PTBP3: variants seen among roughly 807,000 people sequenced by gnomAD.
PTBP3 encodes polypyrimidine tract-binding protein 3.
PTBP3 carries 20 observed loss-of-function variants against 58.7 expected under a neutral mutation model. The observed-to-expected ratio is 0.34, with a 90% CI of 0.24 to 0.50. The LOEUF (loss-of-function observed/expected upper bound fraction) is 0.50, where lower values mean the gene tolerates loss of function less well. Among genes scored for constraint, PTBP3 ranks in the 20% least tolerant of loss-of-function variants. The pLI is 0.98. For synonymous variants in PTBP3, 185 were observed against 219.8 expected (o/e 0.84, Z 1.40); for missense variants, 509 against 637.2 (o/e 0.80, Z 2.17).
At chr9:112,299,337 G>A (rs1274911812) in intron 1 of PTBP3, among the ~76,000 whole-genome samples, 1 of 151,922 alleles carries the variant, frequency 6.6e-6, no homozygotes, top group Non-Finnish European at 1.5e-5. Flanking sequence ...ATAACAAAAA[G>A]CACAAGTATA....
chr9:112,300,037 G>A (rs1376409913), intron 1 of PTBP3, among the ~76,000 whole-genome samples: 1 of 152,120 alleles, frequency 6.6e-6, no homozygotes, highest in African/African-American at 2.4e-5. Context: ...GGTCATCAGG[G>A]AAATGCAAGT....
the PTBP3 span, among the ~76,000 whole-genome samples, chr9:112,367,377 A>G: frequency 2.0e-5 from 3 of 152,222 alleles, no homozygotes; most frequent in South Asian, 6.2e-4. Flanking sequence ...TCCCTTTAGC[A>G]TTTCTTGTAA....
the PTBP3 span, among the ~76,000 whole-genome samples, chr9:112,368,289 G>T: frequency 6.6e-6 from 1 of 152,178 alleles, no homozygotes; most frequent in Non-Finnish European, 1.5e-5. Context: ...TTGTGCCTCG[G>T]CCTCCTGAGT....
chr9:112,361,620 A>C, the PTBP3 span, among the ~76,000 whole-genome samples: 1 of 152,212 alleles, frequency 6.6e-6, no homozygotes, highest in Non-Finnish European at 1.5e-5. Flanking sequence ...CAAGTCAATT[A>C]TTATATCACA....
chr9:112,294,379 G>A (rs113089233), intron 2 of PTBP3, among the ~76,000 whole-genome samples: 6,913 of 152,148 alleles, frequency 0.045, 345 homozygotes, highest in African/African-American at 0.13. Flanking sequence ...TTAGCTGGGT[G>A]TGGTGGCACA....
chr9:112,331,613 T>TA (rs1217897138), intron 1 of PTBP3, among the ~76,000 whole-genome samples: 2 of 152,186 alleles, frequency 1.3e-5, no homozygotes, highest in Non-Finnish European at 2.9e-5. Context: ...GCTTGCTGCA[T>TA]AAAAAATAAA....
At chr9:112,368,998 T>C in the PTBP3 span, among the ~76,000 whole-genome samples, 2 of 152,226 alleles carry the variant, frequency 1.3e-5, no homozygotes, top group Non-Finnish European at 2.9e-5. Flanking sequence ...CAAGCCTTGA[T>C]GGCTTACACG....
At chr9:112,256,842 T>C (rs1052787499) in intron 5 of PTBP3, among the ~76,000 whole-genome samples, 19 of 121,748 alleles carry the variant, frequency 1.6e-4, no homozygotes, top group East Asian at 4.6e-4. Flanking sequence ...TAATTTTTTT[T>C]CCCTTTTTTT....
the PTBP3 span, among the ~76,000 whole-genome samples, chr9:112,356,021 T>C: frequency 6.7e-6 from 1 of 150,156 alleles, no homozygotes; most frequent in Non-Finnish European, 1.5e-5. Flanking sequence ...CCTTCTTTCC[T>C]TCTTCTTTTC....
At position 112,223,166 on chromosome 9, in the gene PTBP3, G is replaced by A. The variant is rs1834860562; in HGVS notation, c.*685C>T. 1.1e-6 allele frequency: 1 copy of A among 907,006 alleles called. No homozygotes were observed. Among genetic ancestry groups the A allele is most frequent in the African/African-American group, 1.8e-5 (1 of 55,398 alleles). 56.2% of individuals were successfully genotyped at this position (907,006 alleles called of 1,614,324 possible). ...TAGTTGAATTCCACTTAATTTCCCT[G>A]GGGACAGCTGAGACACTGCATTTTT... is the stretch of plus-strand genomic sequence containing the variant. On this transcript the variant is annotated 3_prime_UTR_variant, in exon 14 of 14. Coordinates refer to ENST00000374257, the MANE Select transcript of PTBP3 (RefSeq NM_001163788.4).
Position 112,301,739 on chromosome 9 carries a change from G to T in PTBP3, c.-51-3823C>A, listed in dbSNP as rs185114407. 2.4e-3 allele frequency among the ~76,000 whole-genome samples: 372 copies of T among 152,194 alleles called. 2 individuals carry two copies. Among genetic ancestry groups the T allele is most frequent in the African/African-American group, 8.8e-3 (365 of 41,536 alleles). ...TAAGATCAAACAGAACTATATACAG[G>T]CACTGTCCCAATACCAATGCTTCTG... is the stretch of plus-strand genomic sequence containing the variant. On this transcript the variant is annotated intron_variant, in intron 1 of 13. Transcript: ENST00000374257.
At position 112,223,421 on chromosome 9, in the gene PTBP3, T is replaced by C. The variant is rs1834869532; in HGVS notation, c.*430A>G. 1.1e-6 allele frequency: 1 copy of C among 925,812 alleles called. No homozygotes were observed. The highest frequency in any genetic ancestry group is 1.3e-6 in the Non-Finnish European group (1 of 773,146). 57.3% of individuals were successfully genotyped at this position (925,812 alleles called of 1,614,324 possible). A position where few individuals can be genotyped will look rare whatever the true frequency, so the allele number is the denominator to read the frequency against. Reference sequence around the variant, plus strand: ...CTGATTCATAAGGTTAATAACTTGGTCATAAGTGATTTAAATTACTTACAT... The same window carrying C: ...CTGATTCATAAGGTTAATAACTTGGCCATAAGTGATTTAAATTACTTACAT... On this transcript the variant is annotated 3_prime_UTR_variant, in exon 14 of 14. Coordinates refer to ENST00000374257, the MANE Select transcript of PTBP3 (RefSeq NM_001163788.4).
chr9:112,302,582 CTTTTTTTTT>C (rs369208342), intron 1 of PTBP3, among the ~76,000 whole-genome samples: 9 of 110,502 alleles, frequency 8.1e-5, no homozygotes, highest in Admixed American at 2.2e-4. Flanking sequence ...TATTCTTCAT[CTTTTTTTTT>C]TTTTTTTTTT....
At chr9:112,260,959 C>G (rs1160765204) in intron 5 of PTBP3, among the ~76,000 whole-genome samples, 1 of 152,208 alleles carries the variant, frequency 6.6e-6, no homozygotes, top group Admixed American at 6.5e-5. Flanking sequence ...AATTATAAGA[C>G]AGGACCACAT....
chr9:112,300,628 T>G (rs930296162), intron 1 of PTBP3, among the ~76,000 whole-genome samples: 1 of 152,034 alleles, frequency 6.6e-6, no homozygotes, highest in South Asian at 2.1e-4. Context: ...GGCGGGCGCC[T>G]GTAGTCCCAG....
intron 1 of PTBP3, among the ~76,000 whole-genome samples, chr9:112,302,390 G>A (rs1828974387): frequency 1.2e-5 from 1 of 82,382 alleles, no homozygotes; most frequent in Admixed American, 1.4e-4. Flanking sequence ...ATCCAAACAA[G>A]TTACCTGCTG....
chr9:112,239,403 T>C (rs1028455475), intron 7 of PTBP3, among the ~76,000 whole-genome samples: 1 of 152,112 alleles, frequency 6.6e-6, no homozygotes, highest in African/African-American at 2.4e-5. Flanking sequence ...ACGCAATAAG[T>C]TAATTGTATG....
At chr9:112,359,301 G>C in the PTBP3 span, among the ~76,000 whole-genome samples, 1 of 151,682 alleles carries the variant, frequency 6.6e-6, no homozygotes, top group African/African-American at 2.4e-5. Flanking sequence ...AAAAAAATTA[G>C]CCGGGTATGA....
At chr9:112,256,429 T>G (rs942071267) in intron 5 of PTBP3, among the ~76,000 whole-genome samples, 25 of 151,626 alleles carry the variant, frequency 1.6e-4, no homozygotes, top group African/African-American at 5.3e-4. Context: ...TTCTGCATCA[T>G]TAAGCACAAT....
Sources: gnomAD v4.1 joint callset for allele counts (sites outside exome capture counted in the v4.1 genomes callset) on GRCh38, gnomAD v4.1.1 for gene constraint, MANE v1.5 for transcripts, NCBI Gene and HGNC (gene_info 2026-07-23, HGNC 2026-07-21) for gene names.